FBXO15: variants seen among roughly 807,000 people sequenced by gnomAD.
FBXO15 encodes the protein F-box only protein 15.
FBXO15 carries 30 observed loss-of-function variants against 49.5 expected under a neutral mutation model. That is an observed-to-expected ratio of 0.61 (90% CI 0.45 to 0.82). FBXO15 has a LOEUF of 0.82. FBXO15 is among the 40% of genes least tolerant of loss of function. FBXO15 has a pLI of 0.00. For missense variants in FBXO15, 591 were observed against 631.5 expected (o/e 0.94, Z 0.69); for synonymous variants, 250 against 232.7 (o/e 1.07, Z -0.68).
intron 8 of FBXO15, among the ~76,000 whole-genome samples, chr18:74,089,204 T>C (rs1274413577): frequency 6.6e-6 from 1 of 152,158 alleles, no homozygotes; most frequent in Non-Finnish European, 1.5e-5. Context: ...GTGGCAATTG[T>C]GAATGTGAAT....
intron 1 of FBXO15, chr18:74,147,406 G>GGCAGGTGCGCGCATCCCCGGCC: frequency 1.1e-6 from 1 of 875,672 alleles, no homozygotes; most frequent in Non-Finnish European, 1.4e-6. Flanking sequence ...CACCTGTCCT[G>GGCAGGTGCGCGCATCCCCGGCC]GCAGGTGCGC....
In FBXO15 at chr18:74,135,813, A is replaced by T. The variant is rs372687994; in HGVS notation, c.281T>A (p.Leu94His). The change falls in exon 3 of 10, where the codon CTT (leucine) becomes CAT (histidine). Residue 94 changes from leucine to histidine, a missense_variant. Leu to His is a moderately conservative substitution (Grantham distance 99). Coordinates refer to ENST00000419743, the MANE Select transcript of FBXO15 (RefSeq NM_001142958.2). ...KIFSYLDAVS[L>H]LCTGCVSRRF... ...CCTGCTCACACATCCAGTACACAGA[A>T]GGCTCACAGCATCCAAGTAGGAAAA... 11 of 1,612,852 alleles carry T rather than the reference A, an allele frequency of 6.8e-6. No homozygotes were observed. The highest frequency in any genetic ancestry group is 9.3e-6 in the Non-Finnish European group (11 of 1,179,796).
At chr18:74,122,477 T>A (rs888610742) in intron 8 of FBXO15, 1 of 152,338 alleles carries the variant, frequency 6.6e-6, no homozygotes, top group East Asian at 1.9e-4. Context: ...TTGATAAATA[T>A]AGAAATAGTG....
At chr18:74,112,414 C>T (rs1244918301) in intron 8 of FBXO15, among the ~76,000 whole-genome samples, 1 of 152,144 alleles carries the variant, frequency 6.6e-6, no homozygotes, top group Non-Finnish European at 1.5e-5. Flanking sequence ...CATCACACAA[C>T]AGGCTTAAGA....
At position 74,138,555 on chromosome 18, in the gene FBXO15, C is replaced by T. The variant is rs1240671049; in HGVS notation, c.227+1647G>A. ...TTGCTCCTGAGTCGCCTTTGCCTTC[C>T]CTTCCCCACCCTTTCCCTAAGCCAC... On this transcript the variant is annotated intron_variant, in intron 2 of 9. Transcript: ENST00000419743. Among the ~76,000 whole-genome samples the T allele has an allele frequency of 2.0e-5, 3 of 151,958 alleles. No homozygotes were observed. The East Asian group carries it at 5.8e-4, about 29-fold the overall frequency.
intron 1 of FBXO15, chr18:74,147,429 A>C (rs1979503095): frequency 1.8e-6 from 2 of 1,105,862 alleles, no homozygotes; most frequent in Non-Finnish European, 2.2e-6. Flanking sequence ...ATCCCCGGCC[A>C]CAGGCGCCGC....
intron 8 of FBXO15, among the ~76,000 whole-genome samples, chr18:74,120,867 A>G (rs1172566268): frequency 1.3e-5 from 2 of 152,128 alleles, no homozygotes; most frequent in Admixed American, 6.5e-5. Flanking sequence ...AAAAAAAGGC[A>G]ATAAAACCAA....
At chr18:74,110,208 T>TATATATAC (rs1913961021) in intron 8 of FBXO15, among the ~76,000 whole-genome samples, 1 of 147,828 alleles carries the variant, frequency 6.8e-6, no homozygotes. Context: ...TATATATATA[T>TATATATAC]ATATGTTTAT....
chr18:74,104,129 T>C (rs1274113960), intron 8 of FBXO15, among the ~76,000 whole-genome samples: 1 of 151,900 alleles, frequency 6.6e-6, no homozygotes, highest in African/African-American at 2.4e-5. Flanking sequence ...AAACATAAGG[T>C]GAGGAGTGGT....
At chr18:74,110,166 TATATATATATATATACACATATGTGTGC>T (rs1367470350) in intron 8 of FBXO15, among the ~76,000 whole-genome samples, 7 of 115,822 alleles carry the variant, frequency 6.0e-5, no homozygotes, top group African/African-American at 1.2e-4. Context: ...TATGTGTGCA[TATATATATATATATACACATATGTGTGC>T]ATATATATAT....
chr18:74,104,882 A>G (rs1253390080), intron 8 of FBXO15, among the ~76,000 whole-genome samples: 1 of 152,200 alleles, frequency 6.6e-6, no homozygotes, highest in African/African-American at 2.4e-5. Flanking sequence ...CTGCAGCACT[A>G]TTCACAATAA....
chr18:74,135,676 C>A (rs1978670971), intron 3 of FBXO15, 86 bp downstream of exon 3: 2 of 1,057,448 alleles, frequency 1.9e-6, no homozygotes, highest in Non-Finnish European at 1.4e-6. Context: ...CTCTTAAATT[C>A]TTAAAAATGG....
chr18:74,098,129 G>GA (rs1255051043), intron 8 of FBXO15: 9 of 152,176 alleles, frequency 5.9e-5, no homozygotes, highest in Admixed American at 5.9e-4. Context: ...CAGCAGCCTT[G>GA]AACCCTAGAC....
At chr18:74,141,741 G>A (rs544450469) in intron 1 of FBXO15, among the ~76,000 whole-genome samples, 1 of 152,144 alleles carries the variant, frequency 6.6e-6, no homozygotes, top group East Asian at 1.9e-4. Flanking sequence ...TGGTGAAAAA[G>A]GAGCCCTTGC....
intron 5 of FBXO15, 117 bp downstream of exon 5, chr18:74,129,288 T>C (rs534105458): frequency 1.2e-6 from 1 of 838,200 alleles, no homozygotes; most frequent in Non-Finnish European, 1.8e-6. Context: ...AGAATGTACA[T>C]TTAATATGTG....
At chr18:74,077,846 A>G (rs1374324629) in intron 9 of FBXO15, among the ~76,000 whole-genome samples, 2 of 152,180 alleles carry the variant, frequency 1.3e-5, no homozygotes, top group East Asian at 1.9e-4. Flanking sequence ...GTGGGACTGC[A>G]TGGTGCATCC....
At chr18:74,105,743 GC>G (rs1031631671) in intron 8 of FBXO15, among the ~76,000 whole-genome samples, 5 of 151,956 alleles carry the variant, frequency 3.3e-5, no homozygotes, top group Admixed American at 6.6e-5. Context: ...ACTGTGCCTG[GC>G]CCCCAAAATA....
intron 8 of FBXO15, among the ~76,000 whole-genome samples, chr18:74,111,938 G>A (rs1051447022): frequency 2.5e-4 from 38 of 152,268 alleles, no homozygotes; most frequent in African/African-American, 9.1e-4. Flanking sequence ...TGATAATCTA[G>A]ATGAAATGGA....
At chr18:74,078,134 C>T (rs1055004777) in intron 9 of FBXO15, among the ~76,000 whole-genome samples, 4 of 152,092 alleles carry the variant, frequency 2.6e-5, no homozygotes, top group Non-Finnish European at 5.9e-5. Flanking sequence ...AGTCTTTCTG[C>T]TCTCCCACCT....
Sources: allele counts gnomAD v4.1 joint callset (sites outside exome capture counted in the v4.1 genomes callset), GRCh38; gene constraint gnomAD v4.1.1; transcripts MANE v1.5; gene names NCBI Gene and HGNC (gene_info 2026-07-23, HGNC 2026-07-21).